The following TRIO variants were observed in gnomAD, a reference collection of about 807,000 sequenced individuals.
TRIO encodes trio Rho guanine nucleotide exchange factor.
TRIO carries 58 observed loss-of-function variants against 351.9 expected under a neutral mutation model. That is an observed-to-expected ratio of 0.16 (90% confidence interval 0.13 to 0.21). The LOEUF (loss-of-function observed/expected upper bound fraction) is 0.21. TRIO is among the 10% of genes least tolerant of loss of function. TRIO has a pLI of 1.00. For missense variants in TRIO, 3,201 were observed against 4,027.8 expected, an observed-to-expected ratio of 0.79 and a Z score of 5.56; for synonymous variants, 1,758 against 1,595.7, an observed-to-expected ratio of 1.10 and a Z score of -2.42.
Position 14,387,330 on chromosome 5 carries a change from C to T in TRIO, c.3571-108C>T, listed in dbSNP as rs572316486. On this transcript the variant is annotated intron_variant, in intron 21 of 56. Coordinates refer to ENST00000344204, the MANE Select transcript of TRIO (RefSeq NM_007118.4). ...TTTGGTCTCAGTTTCTACCATCAGC[C>T]GGTTTTCCTGTTCAGAGCTCAGAGT... is the stretch of plus-strand genomic sequence containing the variant. 1.8e-5 allele frequency: 21 copies of T among 1,150,440 alleles called. No homozygotes were observed. In the Admixed American group the frequency reaches 2.2e-4, roughly 12 times the overall value. The allele number at this position is 1,150,440 out of a possible 1,614,324, so 71.3% of individuals were successfully genotyped here.
At chr5:14,294,143 G>A (rs1409854963) in intron 6 of TRIO, among the ~76,000 whole-genome samples, 2 of 152,104 alleles carry the variant, frequency 1.3e-5, no homozygotes, top group African/African-American at 2.4e-5. Flanking sequence ...TTATGATCAC[G>A]CCACTGCATT....
chr5:14,451,518 T>C (rs533661852), intron 34 of TRIO, among the ~76,000 whole-genome samples: 2 of 152,388 alleles, frequency 1.3e-5, no homozygotes, highest in African/African-American at 4.8e-5. Flanking sequence ...ACATTTGCCT[T>C]ACAGCCTCCC....
intron 32 of TRIO, 154 bp downstream of exon 32, chr5:14,406,144 A>G: frequency 8.9e-7 from 1 of 1,129,796 alleles, no homozygotes; most frequent in Non-Finnish European, 1.2e-6. Flanking sequence ...CTTAGTAATG[A>G]AACTGCTTTG....
Position 14,385,134 on chromosome 5 carries a change from C to T in TRIO, c.3571-2304C>T, listed in dbSNP as rs539229530. On this transcript the variant is annotated intron_variant, in intron 21 of 56. Coordinates refer to ENST00000344204, the MANE Select transcript of TRIO (RefSeq NM_007118.4). ...AGGCTCCGTTGCTGGGGGAGTGGAG[C>T]AGGGCAGCCCCTCAGAGGCCTCCGG... Among the ~76,000 whole-genome samples, 9 of 152,300 alleles carry T rather than the reference C, an allele frequency of 5.9e-5. No homozygotes were observed. The East Asian group carries it at 1.5e-3, about 26-fold the overall frequency.
intron 1 of TRIO, among the ~76,000 whole-genome samples, chr5:14,259,170 G>A (rs1167823292): frequency 1.3e-5 from 2 of 152,372 alleles, no homozygotes; most frequent in East Asian, 3.9e-4. Context: ...GCATCGTTCT[G>A]TTGATCAGTG....
At position 14,495,658 on chromosome 5, in the gene TRIO, GA is replaced by G. The variant is rs56018324; in HGVS notation, c.7881-1193del. Among the ~76,000 whole-genome samples, 39 of 32,592 alleles carry G rather than the reference GA, an allele frequency of 1.2e-3. No homozygotes were observed. The South Asian group carries it at 0.027, about 23-fold the overall frequency. The allele number at this position is 32,592 out of a possible 152,430, so 21.4% of individuals were successfully genotyped here. ...ACATAGTGAAACCCCGTCTCTACTA[GA>G]AAAAAAAAAAAAAAAAAAAAAAAAA... On this transcript the variant is annotated intron_variant, in intron 49 of 56. Coordinates refer to ENST00000344204, the MANE Select transcript of TRIO (RefSeq NM_007118.4).
At chr5:14,252,513 G>A (rs987937744) in intron 1 of TRIO, among the ~76,000 whole-genome samples, 3 of 152,172 alleles carry the variant, frequency 2.0e-5, no homozygotes, top group Non-Finnish European at 4.4e-5. Flanking sequence ...CTGGATCCCC[G>A]AGGGACTTCA....
In TRIO at chr5:14,481,534, C is replaced by T. The variant is rs1389637869; in HGVS notation, c.6388-7C>T. 5 of 1,613,566 alleles carry T rather than the reference C, an allele frequency of 3.1e-6. No individual in the cohort carries two copies. The African/African-American group carries it at 5.3e-5, about 17-fold the overall frequency. On this transcript the variant is annotated splice_region_variant and splice_polypyrimidine_tract_variant and intron_variant, in intron 44 of 56. Coordinates refer to ENST00000344204, the MANE Select transcript of TRIO (RefSeq NM_007118.4). ...GAGCTTTCACTCTTCTCTCTCCCCT[C>T]CCACAGAGAGCTGTGGAAGTCATGT...
rs535481925 is a variant in TRIO at position 14,508,899 on chromosome 5, C to T, written c.*477C>T. On this transcript the variant is annotated 3_prime_UTR_variant, in exon 57 of 57. Coordinates refer to ENST00000344204, the MANE Select transcript of TRIO (RefSeq NM_007118.4). ...CTCGGCTCTGAGCTTCCAGGCGCCTCGTCTGTGTGCATCTCACGCCCGACG... is the reference window on the plus strand; with the variant it reads ...CTCGGCTCTGAGCTTCCAGGCGCCTTGTCTGTGTGCATCTCACGCCCGACG... 21 of 166,076 alleles carry T rather than the reference C, an allele frequency of 1.3e-4. No homozygotes were observed. The highest frequency in any genetic ancestry group is 4.3e-4 in the African/African-American group (18 of 41,636). The allele number at this position is 166,076 out of a possible 1,614,324, so 10.3% of individuals were successfully genotyped here. A position where few individuals can be genotyped will look rare whatever the true frequency, so the allele number is the denominator to read the frequency against.
chr5:14,358,113 A>G, intron 11 of TRIO, 65 bp from the exon 12 acceptor site: 1 of 1,537,390 alleles, frequency 6.5e-7, no homozygotes. Context: ...CCCCTTGGAC[A>G]CCGGGCGGCC....
intron 9 of TRIO, among the ~76,000 whole-genome samples, chr5:14,321,418 C>T (rs141191186): frequency 1.3e-5 from 2 of 152,354 alleles, no homozygotes; most frequent in East Asian, 1.9e-4. Context: ...GCGCCGAATG[C>T]CAGTGCATGG....
At chr5:14,393,071 A>AT (rs1238927029) in intron 27 of TRIO, among the ~76,000 whole-genome samples, 1 of 151,262 alleles carries the variant, frequency 6.6e-6, no homozygotes. Flanking sequence ...AAAAAAAAAA[A>AT]GGATGGGTTC....
chr5:14,289,590 G>A (rs1736739328), intron 4 of TRIO, among the ~76,000 whole-genome samples: 1 of 152,032 alleles, frequency 6.6e-6, no homozygotes, highest in African/African-American at 2.4e-5. Flanking sequence ...TCTCATGCCT[G>A]TAATCCCAGC....
chr5:14,424,619 T>TCC (rs1750485183), intron 34 of TRIO, among the ~76,000 whole-genome samples: 1 of 152,172 alleles, frequency 6.6e-6, no homozygotes, highest in African/African-American at 2.4e-5. Flanking sequence ...TCCCCCATAG[T>TCC]TTACCACAAC....
intron 1 of TRIO, among the ~76,000 whole-genome samples, chr5:14,208,700 A>G (rs1210151173): frequency 6.6e-6 from 1 of 152,258 alleles, no homozygotes. Flanking sequence ...CTCTCAGCCA[A>G]TCACAGCAGC....
chr5:14,227,292 A>G (rs1245159443), intron 1 of TRIO, among the ~76,000 whole-genome samples: 1 of 152,222 alleles, frequency 6.6e-6, no homozygotes, highest in Non-Finnish European at 1.5e-5. Context: ...TAAAATGAGG[A>G]TATTTTCTAT....
At chr5:14,380,971 C>T (rs1268844425) in intron 20 of TRIO, among the ~76,000 whole-genome samples, 159 bp from the exon 21 acceptor site, 2 of 152,206 alleles carry the variant, frequency 1.3e-5, no homozygotes, top group African/African-American at 4.8e-5. Context: ...TGTGGTCACA[C>T]TTCAGTTTTA....
At chr5:14,505,448 G>C (rs989454193) in intron 55 of TRIO, among the ~76,000 whole-genome samples, 11 of 152,214 alleles carry the variant, frequency 7.2e-5, no homozygotes, top group African/African-American at 2.7e-4. Flanking sequence ...CCATGGGGAA[G>C]GGTAAAACCT....
At chr5:14,373,427 A>C (rs1579461595) in intron 18 of TRIO, among the ~76,000 whole-genome samples, 1 of 152,344 alleles carries the variant, frequency 6.6e-6, no homozygotes, top group Admixed American at 6.5e-5. Context: ...TAACACTAGA[A>C]GGAGATAGAG....
Sources: gnomAD v4.1 joint callset for allele counts (sites outside exome capture counted in the v4.1 genomes callset) on GRCh38, gnomAD v4.1.1 for gene constraint, MANE v1.5 for transcripts, NCBI Gene and HGNC (gene_info 2026-07-23, HGNC 2026-07-21) for gene names.